Variants in BANK1 observed in about 807,000 individuals in gnomAD.
The protein encoded by BANK1 is B-cell scaffold protein with ankyrin repeats.
A neutral mutation model predicts 94.5 loss-of-function variants in BANK1; 95 were observed. The observed-to-expected ratio is 1.00, with a 90% confidence interval of 0.85 to 1.19. The LOEUF (loss-of-function observed/expected upper bound fraction) is 1.19, where lower values mean the gene tolerates loss of function less well. BANK1 is among the 50% of genes most tolerant of loss of function. The pLI is 0.00. For synonymous variants in BANK1, 334 were observed against 308.4 expected, an observed-to-expected ratio of 1.08 and a Z score of -0.87; for missense variants, 987 against 932.2, an observed-to-expected ratio of 1.06 and a Z score of -0.77.
chr4:101,829,554 G>C (rs896300678), intron 1 of BANK1, among the ~76,000 whole-genome samples: 1 of 151,458 alleles, frequency 6.6e-6, no homozygotes, highest in Non-Finnish European at 1.5e-5. Context: ...CTGGGTAATG[G>C]TATTGTTTTG....
At chr4:101,878,466 A>C (rs1472854541) in intron 5 of BANK1, among the ~76,000 whole-genome samples, 1 of 152,214 alleles carries the variant, frequency 6.6e-6, no homozygotes, top group Admixed American at 6.5e-5. Context: ...ATCAAATATT[A>C]CTAGACCTAA....
intron 5 of BANK1, among the ~76,000 whole-genome samples, chr4:101,887,835 TAAAAG>T (rs1728910772): frequency 6.6e-6 from 1 of 152,222 alleles, no homozygotes; most frequent in South Asian, 2.1e-4. Flanking sequence ...ATTAAGTTGA[TAAAAG>T]AAAATATCTC....
intron 11 of BANK1, among the ~76,000 whole-genome samples, chr4:102,051,206 GT>G (rs1354942427): frequency 1.3e-5 from 2 of 152,206 alleles, no homozygotes; most frequent in African/African-American, 4.8e-5. Flanking sequence ...TCATCAGGCT[GT>G]TTTTGCCAGT....
chr4:101,953,622 C>T (rs1204979150), intron 7 of BANK1, among the ~76,000 whole-genome samples: 1 of 151,702 alleles, frequency 6.6e-6, no homozygotes, highest in African/African-American at 2.4e-5. Context: ...GCACGATTAC[C>T]TCCCTCCCTG....
At chr4:101,820,444 C>T (rs1230073547) in intron 1 of BANK1, among the ~76,000 whole-genome samples, 1 of 152,104 alleles carries the variant, frequency 6.6e-6, no homozygotes, top group Non-Finnish European at 1.5e-5. Context: ...GCAATTGCCT[C>T]AAGTGAAGTT....
intron 7 of BANK1, among the ~76,000 whole-genome samples, chr4:101,980,322 G>A (rs948168408): frequency 6.6e-6 from 1 of 151,542 alleles, no homozygotes; most frequent in African/African-American, 2.4e-5. Flanking sequence ...GTGAGGATTG[G>A]ATTTTATTTT....
intron 1 of BANK1, among the ~76,000 whole-genome samples, chr4:101,814,191 A>G (rs1045893890): frequency 6.6e-6 from 1 of 152,194 alleles, no homozygotes; most frequent in Non-Finnish European, 1.5e-5. Context: ...TTAGGAGTGT[A>G]TTTATTACAT....
intron 2 of BANK1, among the ~76,000 whole-genome samples, chr4:101,852,556 C>A (rs1464421824): frequency 7.0e-6 from 1 of 142,918 alleles, no homozygotes; most frequent in African/African-American, 2.6e-5. Context: ...TCTTTAATTC[C>A]TACCACATAG....
intron 7 of BANK1, among the ~76,000 whole-genome samples, chr4:101,995,023 T>A (rs1272755969): frequency 6.6e-6 from 1 of 152,140 alleles, no homozygotes; most frequent in East Asian, 1.9e-4. Flanking sequence ...TAGGTATACA[T>A]GTGCCATGGT....
chr4:101,811,730 C>T (rs1482122905), intron 1 of BANK1, among the ~76,000 whole-genome samples: 2 of 152,028 alleles, frequency 1.3e-5, no homozygotes, highest in Non-Finnish European at 2.9e-5. Flanking sequence ...TTCAGTTCTG[C>T]ACTTTGTGAT....
intron 1 of BANK1, among the ~76,000 whole-genome samples, chr4:101,822,615 T>C (rs1726207425): frequency 6.7e-6 from 1 of 149,780 alleles, no homozygotes; most frequent in South Asian, 2.1e-4. Flanking sequence ...TTGGAATCAA[T>C]ACTTTTTTTT....
intron 6 of BANK1, among the ~76,000 whole-genome samples, chr4:101,915,495 A>G (rs1307959690): frequency 2.6e-5 from 4 of 152,106 alleles, no homozygotes; most frequent in Admixed American, 2.0e-4. Flanking sequence ...TTCAACTAAA[A>G]CATTTGAAAG....
chr4:101,900,239 C>G (rs1218698015), intron 6 of BANK1, among the ~76,000 whole-genome samples: 1 of 152,166 alleles, frequency 6.6e-6, no homozygotes, highest in Non-Finnish European at 1.5e-5. Context: ...CTTCATGAAA[C>G]TTATTTAAGT....
At chr4:101,862,703 C>A (rs773815741) in intron 4 of BANK1, 39 bp downstream of exon 4, 4 of 1,513,628 alleles carry the variant, frequency 2.6e-6, no homozygotes, top group Non-Finnish European at 3.5e-6. Flanking sequence ...AAAACATTAT[C>A]CTGAGTTCCT....
At chr4:102,000,415 T>C (rs1726023490) in intron 7 of BANK1, among the ~76,000 whole-genome samples, 1 of 151,896 alleles carries the variant, frequency 6.6e-6, no homozygotes, top group African/African-American at 2.4e-5. Flanking sequence ...AAATTGGGAC[T>C]GTCCTAGGCA....
chr4:101,904,036 C>T (rs2851316), intron 6 of BANK1, among the ~76,000 whole-genome samples: 10,532 of 152,248 alleles, frequency 0.069, 610 homozygotes, highest in Admixed American at 0.18. Flanking sequence ...GCCCCACAAA[C>T]GTCTGGAAAA....
intron 3 of BANK1, among the ~76,000 whole-genome samples, chr4:101,858,522 T>C (rs1331563762): frequency 1.3e-5 from 2 of 152,172 alleles, no homozygotes; most frequent in Non-Finnish European, 2.9e-5. Flanking sequence ...AAATATATCA[T>C]TTTCCCTTCC....
At chr4:101,844,219 G>T (rs935143086) in intron 2 of BANK1, among the ~76,000 whole-genome samples, 1 of 152,178 alleles carries the variant, frequency 6.6e-6, no homozygotes, top group African/African-American at 2.4e-5. Flanking sequence ...CTAATGAGGT[G>T]CAGTGCATCC....
intron 7 of BANK1, among the ~76,000 whole-genome samples, chr4:101,959,217 G>A (rs768049112): frequency 2.0e-5 from 3 of 151,636 alleles, no homozygotes; most frequent in Non-Finnish European, 4.4e-5. Context: ...TCAGCTCACT[G>A]CAACCTCCAC....
Sources: gnomAD v4.1 joint callset for allele counts (sites outside exome capture counted in the v4.1 genomes callset) on GRCh38, gnomAD v4.1.1 for gene constraint, MANE v1.5 for transcripts, NCBI Gene and HGNC (gene_info 2026-07-23, HGNC 2026-07-21) for gene names.